Variants in EGFLAM observed in about 807,000 individuals in gnomAD.
EGFLAM encodes the protein pikachurin.
In EGFLAM, 79 loss-of-function variants were observed where a neutral mutation model predicts 113.1. That is an observed-to-expected ratio of 0.70 (90% CI 0.58 to 0.84). The LOEUF (loss-of-function observed/expected upper bound fraction) is 0.84. EGFLAM is among the 40% of genes least tolerant of loss of function. The pLI, the probability that EGFLAM is intolerant of heterozygous loss-of-function variation, is 0.00. For missense variants in EGFLAM, 1,265 were observed against 1,291.6 expected (o/e 0.98, Z 0.32); for synonymous variants, 504 against 487.6 (o/e 1.03, Z -0.44).
chr5:38,394,725 T>TTG (rs1462980961), intron 6 of EGFLAM, among the ~76,000 whole-genome samples: 1 of 149,730 alleles, frequency 6.7e-6, no homozygotes, highest in Non-Finnish European at 1.5e-5. Context: ...TTTTTTTTTT[T>TTG]TTTTTTAACT....
Position 38,258,718 on chromosome 5 carries a change from C to G in EGFLAM, c.-37C>G. On this transcript the variant is annotated 5_prime_UTR_variant, in exon 1 of 22. Coordinates refer to ENST00000322350, the MANE Select transcript of EGFLAM (RefSeq NM_152403.4). ...CGGAGACGCCCTTTCCGTGTGCGCC[C>G]GGGACTTGGTGAAACTTTGCAGGCG... 1.3e-6 allele frequency: 2 copies of G among 1,582,004 alleles called. No individual in the cohort carries two copies. Among genetic ancestry groups the G allele is most frequent in the Non-Finnish European group, 1.7e-6 (2 of 1,162,376 alleles).
intron 14 of EGFLAM, among the ~76,000 whole-genome samples, chr5:38,429,619 G>T (rs1369335045): frequency 6.6e-6 from 1 of 152,074 alleles, no homozygotes; most frequent in Admixed American, 6.5e-5. Context: ...CTTCCACTTT[G>T]AATGAATAAT....
intron 1 of EGFLAM, among the ~76,000 whole-genome samples, chr5:38,313,406 C>A (rs545483734): frequency 6.6e-6 from 1 of 152,302 alleles, no homozygotes; most frequent in Admixed American, 6.5e-5. Context: ...TTTGCTTTAA[C>A]ATCTTACCTG....
At chr5:38,424,735 T>C (rs892395226) in intron 12 of EGFLAM, among the ~76,000 whole-genome samples, 1 of 152,226 alleles carries the variant, frequency 6.6e-6, no homozygotes, top group Non-Finnish European at 1.5e-5. Flanking sequence ...TCCATCATGT[T>C]TTTTAAAGTC....
intron 6 of EGFLAM, among the ~76,000 whole-genome samples, chr5:38,399,277 G>GGT (rs1186851788): frequency 9.3e-5 from 11 of 118,472 alleles, no homozygotes; most frequent in African/African-American, 3.1e-4. Flanking sequence ...TTTTGTTTTC[G>GGT]TTTTTTTTTT....
At chr5:38,299,475 T>C (rs1157507650) in intron 1 of EGFLAM, among the ~76,000 whole-genome samples, 1 of 152,126 alleles carries the variant, frequency 6.6e-6, no homozygotes, top group African/African-American at 2.4e-5. Flanking sequence ...TAATCCCCAA[T>C]GTCAGAGGTG....
intron 13 of EGFLAM, 52 bp from the exon 14 acceptor site, chr5:38,426,957 C>T (rs1328444616): frequency 3.8e-6 from 6 of 1,599,816 alleles, no homozygotes. Flanking sequence ...GGGTGCACAT[C>T]TGGCCAGTTT....
chr5:38,417,187 A>G (rs912587759), intron 11 of EGFLAM, among the ~76,000 whole-genome samples: 3 of 152,000 alleles, frequency 2.0e-5, no homozygotes, highest in Non-Finnish European at 2.9e-5. Context: ...CCTCGTTTCT[A>G]AAAATACAAA....
intron 1 of EGFLAM, chr5:38,282,571 C>T (rs1171068534): frequency 2.0e-5 from 3 of 152,198 alleles, no homozygotes; most frequent in African/African-American, 7.2e-5. Context: ...TCTGAGAAAA[C>T]CCTCAGGCAA....
At chr5:38,335,068 A>G (rs943526812) in intron 1 of EGFLAM, among the ~76,000 whole-genome samples, 2 of 152,206 alleles carry the variant, frequency 1.3e-5, no homozygotes, top group Non-Finnish European at 2.9e-5. Context: ...AAATGTCAAT[A>G]GTGTCAAGGT....
chr5:38,296,685 A>G (rs1184706410), intron 1 of EGFLAM, among the ~76,000 whole-genome samples: 2 of 151,322 alleles, frequency 1.3e-5, no homozygotes, highest in Non-Finnish European at 2.9e-5. Context: ...TATAAAATAT[A>G]ATTTTTATAA....
At chr5:38,320,857 C>A (rs573996140) in intron 1 of EGFLAM, among the ~76,000 whole-genome samples, 1 of 152,110 alleles carries the variant, frequency 6.6e-6, no homozygotes, top group African/African-American at 2.4e-5. Context: ...GAATTCTTAC[C>A]ATCTCATGGG....
chr5:38,317,787 C>T (rs1283251159), intron 1 of EGFLAM, among the ~76,000 whole-genome samples: 2 of 152,164 alleles, frequency 1.3e-5, no homozygotes, highest in Non-Finnish European at 2.9e-5. Flanking sequence ...GAAGACTTGG[C>T]AAAATGTTTC....
At chr5:38,325,152 G>A (rs1358830575) in intron 1 of EGFLAM, among the ~76,000 whole-genome samples, 2 of 152,134 alleles carry the variant, frequency 1.3e-5, no homozygotes, top group Admixed American at 1.3e-4. Context: ...GCTGAGAACA[G>A]GGAATCTGGG....
At chr5:38,463,146 C>T (rs1743347409) in intron 21 of EGFLAM, 135 bp downstream of exon 21, 1 of 828,630 alleles carries the variant, frequency 1.2e-6, no homozygotes, top group Non-Finnish European at 1.8e-6. Flanking sequence ...ATATTCCATT[C>T]CTTCATTTTC....
chr5:38,337,649 A>G lies in EGFLAM; in HGVS notation c.207+20A>G. 2 of 1,571,062 alleles carry G rather than the reference A, an allele frequency of 1.3e-6. No homozygotes were observed. The highest frequency in any genetic ancestry group is 1.7e-6 in the Non-Finnish European group (2 of 1,153,846). On this transcript the variant is annotated intron_variant, in intron 2 of 21. Coordinates refer to ENST00000322350, the MANE Select transcript of EGFLAM (RefSeq NM_152403.4). ...TACACTGTGAGTACACGGGCATGGG[A>G]GTTTCCTCGGTGGGTGTGTCGTGTG...
chr5:38,460,073 T>C (rs987083195), intron 20 of EGFLAM, among the ~76,000 whole-genome samples: 1 of 152,232 alleles, frequency 6.6e-6, no homozygotes, highest in African/African-American at 2.4e-5. Flanking sequence ...CATTTCTGCC[T>C]CTTACCCATC....
intron 19 of EGFLAM, among the ~76,000 whole-genome samples, chr5:38,456,699 T>C (rs1743098816): frequency 6.6e-6 from 1 of 152,212 alleles, no homozygotes; most frequent in African/African-American, 2.4e-5. Context: ...CCAAGCACTT[T>C]CTATTCTTGC....
chr5:38,323,866 T>C (rs1019886765), intron 1 of EGFLAM, among the ~76,000 whole-genome samples: 126 of 152,134 alleles, frequency 8.3e-4, no homozygotes, highest in African/African-American at 3.0e-3. Context: ...CTGGCCAATA[T>C]GGTGAAACGT....
Sources: gnomAD v4.1 joint callset for allele counts (sites outside exome capture counted in the v4.1 genomes callset) on GRCh38, gnomAD v4.1.1 for gene constraint, MANE v1.5 for transcripts, NCBI Gene and HGNC (gene_info 2026-07-23, HGNC 2026-07-21) for gene names.